PITPNM3: variants seen among roughly 807,000 people sequenced by gnomAD.
The protein encoded by PITPNM3 is membrane-associated phosphatidylinositol transfer protein 3.
PITPNM3 carries 26 observed loss-of-function variants against 102.0 expected under a neutral mutation model. The observed-to-expected ratio is 0.25, with a 90% CI of 0.19 to 0.35. The LOEUF is 0.35. Among genes scored for constraint, PITPNM3 ranks in the 10% least tolerant of loss-of-function variants. The probability of loss-of-function intolerance (pLI) is 1.00; values close to 1 mark genes in which losing one functional copy is unlikely to be tolerated. For synonymous variants in PITPNM3, 578 were observed against 558.6 expected (o/e 1.03, Z -0.49); for missense variants, 1,083 against 1,346.1 (o/e 0.80, Z 3.06).
At chr17:6,519,956 A>C (rs1030230753) in intron 3 of PITPNM3, among the ~76,000 whole-genome samples, 1 of 152,240 alleles carries the variant, frequency 6.6e-6, no homozygotes, top group African/African-American at 2.4e-5. Context: ...CAATATTTCA[A>C]ATATATAGCA....
intron 3 of PITPNM3, among the ~76,000 whole-genome samples, chr17:6,518,037 G>A (rs1217501289): frequency 6.6e-6 from 1 of 152,066 alleles, no homozygotes; most frequent in Non-Finnish European, 1.5e-5. Flanking sequence ...ACAGTATATA[G>A]ATAATGTATA....
chr17:6,528,480 A>G (rs1303061694), intron 2 of PITPNM3, among the ~76,000 whole-genome samples: 2 of 151,602 alleles, frequency 1.3e-5, no homozygotes, highest in Non-Finnish European at 2.9e-5. Context: ...GTGTGCATGC[A>G]TGTGTGTGCA....
chr17:6,510,151 TC>T (rs1410160404), intron 3 of PITPNM3, among the ~76,000 whole-genome samples: 1 of 152,226 alleles, frequency 6.6e-6, no homozygotes, highest in East Asian at 1.9e-4. Flanking sequence ...AACTTTGCCT[TC>T]CTGGGCTAAA....
At chr17:6,490,821 G>A (rs983823110) in intron 4 of PITPNM3, among the ~76,000 whole-genome samples, 1 of 150,826 alleles carries the variant, frequency 6.6e-6, no homozygotes, top group Admixed American at 6.6e-5. Flanking sequence ...AGGCGTGGTG[G>A]TGGGCACGTA....
intron 1 of PITPNM3, among the ~76,000 whole-genome samples, chr17:6,546,642 C>G (rs2150676589): frequency 6.6e-6 from 1 of 152,350 alleles, no homozygotes; most frequent in Non-Finnish European, 1.5e-5. Context: ...AGCCCTGACC[C>G]TGGCCACACA....
intron 3 of PITPNM3, among the ~76,000 whole-genome samples, chr17:6,511,672 C>T (rs144177962): frequency 6.6e-6 from 1 of 152,286 alleles, no homozygotes; most frequent in African/African-American, 2.4e-5. Context: ...AAACCATAAC[C>T]TCAAGCCTGC....
At chr17:6,504,930 T>A (rs1907398236) in intron 3 of PITPNM3, among the ~76,000 whole-genome samples, 1 of 152,100 alleles carries the variant, frequency 6.6e-6, no homozygotes, top group Non-Finnish European at 1.5e-5. Context: ...ATCCCAGCAC[T>A]TTGGGAGACA....
intron 2 of PITPNM3, among the ~76,000 whole-genome samples, chr17:6,528,013 T>C (rs1908932614): frequency 6.6e-6 from 1 of 152,238 alleles, no homozygotes; most frequent in South Asian, 2.1e-4. Flanking sequence ...CTTTGGCTTT[T>C]GGGCTTTTGT....
intron 3 of PITPNM3, 33 bp downstream of exon 3, chr17:6,525,323 C>CA (rs1258200540): frequency 1.3e-6 from 2 of 1,591,170 alleles, no homozygotes; most frequent in African/African-American, 2.7e-5. Flanking sequence ...CACCTATGTG[C>CA]ACATCCTGGT....
chr17:6,481,900 A>AGAGAGC (rs1905721848), intron 6 of PITPNM3: 1 of 106,564 alleles, frequency 9.4e-6, no homozygotes, highest in Non-Finnish European at 1.8e-5. Context: ...AGAGAGAGAG[A>AGAGAGC]ATACATAGAT....
intron 10 of PITPNM3, among the ~76,000 whole-genome samples, chr17:6,473,715 G>T (rs12453882): frequency 0.25 from 37,248 of 151,994 alleles, 4,738 homozygotes; most frequent in Admixed American, 0.29. Flanking sequence ...GGTGGTTCAC[G>T]CCTGTAATCC....
In PITPNM3 at chr17:6,539,665, C is replaced by T. The variant is rs79104462; in HGVS notation, c.23-1583G>A. Among the ~76,000 whole-genome samples the T allele has an allele frequency of 3.9e-4, 60 of 152,324 alleles. 1 individual carries two copies. In the East Asian group the frequency reaches 0.012, roughly 29 times the overall value. On this transcript the variant is annotated intron_variant, in intron 1 of 19. Transcript: ENST00000262483. ...AAAAATTTCTGTGATTCAAAAACTA[C>T]AATCACTTAAAATTATTCCTGAATT...
At chr17:6,511,645 C>T (rs963196315) in intron 3 of PITPNM3, among the ~76,000 whole-genome samples, 1 of 152,168 alleles carries the variant, frequency 6.6e-6, no homozygotes, top group Admixed American at 6.5e-5. Context: ...GCTCACAAGG[C>T]TAGCCCAGGA....
rs148932496 is a variant in PITPNM3 at position 6,491,836 on chromosome 17, T to TATATATATATATATATATATATATATAA, written c.275-7545_275-7544insTTATATATATATATATATATATATATAT. Among the ~76,000 whole-genome samples the TATATATATATATATATATATATATATAA allele has an allele frequency of 2.8e-3, 383 of 139,178 alleles. 5 individuals are homozygous for TATATATATATATATATATATATATATAA. The highest frequency in any genetic ancestry group is 0.015 in the Middle Eastern group (4 of 260). 91.3% of individuals were successfully genotyped at this position (139,178 alleles called of 152,430 possible). A position where few individuals can be genotyped will look rare whatever the true frequency, so the allele number is the denominator to read the frequency against. On this transcript the variant is annotated intron_variant, in intron 4 of 19. Coordinates refer to ENST00000262483, the MANE Select transcript of PITPNM3 (RefSeq NM_031220.4). Reference sequence around the variant, plus strand: ...AATGGAATATATATATATATATATATAATAAAGAATTAATTAAGAATTAAG... The same window carrying TATATATATATATATATATATATATATAA: ...AATGGAATATATATATATATATATATATATATATATATATATATATATATATAAAATAAAGAATTAATTAAGAATTAAG...
chr17:6,534,157 G>A (rs752897965), intron 2 of PITPNM3, among the ~76,000 whole-genome samples: 7 of 152,194 alleles, frequency 4.6e-5, no homozygotes, highest in Admixed American at 6.5e-5. Context: ...CTGCTGGGCT[G>A]TGGCCCCCCA....
chr17:6,478,454 C>T lies in PITPNM3; in HGVS notation c.777+93G>A. On this transcript the variant is annotated intron_variant, in intron 7 of 19. Transcript: ENST00000262483. This position sits in a 1 kb window ranked among gnomAD's most constrained non-coding sequence, Gnocchi z 4.4. The stretch of plus-strand genomic sequence containing the variant: ...GGCTCAGAGGCTGATTCGAGAACAG[C>T]CTGGCCTTGGCCCTTTCAGTAGATT... 2.0e-6 allele frequency: 3 copies of T among 1,491,232 alleles called. No individual in the cohort carries two copies. Among genetic ancestry groups the T allele is most frequent in the South Asian group, 2.3e-5 (2 of 85,616 alleles). 92.4% of individuals were successfully genotyped at this position (1,491,232 alleles called of 1,614,324 possible).
intron 19 of PITPNM3, 54 bp from the exon 20 acceptor site, chr17:6,455,697 G>A: frequency 2.4e-6 from 2 of 831,256 alleles, no homozygotes; most frequent in Admixed American, 3.3e-5. Context: ...CAGCGCAGGG[G>A]GAAGAAGGGA....
intron 1 of PITPNM3, among the ~76,000 whole-genome samples, chr17:6,555,096 C>A (rs1597426593): frequency 6.6e-6 from 1 of 152,170 alleles, no homozygotes; most frequent in African/African-American, 2.4e-5. Context: ...AGGCAAGAAG[C>A]CTTTTTCAGC....
At chr17:6,544,654 T>TCTCACACACACA (rs376230474) in intron 1 of PITPNM3, among the ~76,000 whole-genome samples, 51 of 130,266 alleles carry the variant, frequency 3.9e-4, no homozygotes, top group African/African-American at 1.5e-3. Flanking sequence ...TCTCTCTCTC[T>TCTCACACACACA]CACACACACA....
Sources: gnomAD v4.1 joint callset for allele counts (sites outside exome capture counted in the v4.1 genomes callset) on GRCh38, gnomAD v4.1.1 for gene constraint, Gnocchi (gnomAD v3.1) non-coding constraint, MANE v1.5 for transcripts, NCBI Gene and HGNC (gene_info 2026-07-23, HGNC 2026-07-21) for gene names.